The following ARHGAP24 variants were observed in gnomAD, a reference collection of about 807,000 sequenced individuals.
ARHGAP24 encodes the protein Rho GTPase activating protein 24.
A neutral mutation model predicts 76.4 loss-of-function variants in ARHGAP24; 50 were observed. That is an observed-to-expected ratio of 0.65 (90% CI 0.52 to 0.83). The LOEUF (loss-of-function observed/expected upper bound fraction) is 0.83. Among genes scored for constraint, ARHGAP24 ranks in the 40% least tolerant of loss-of-function variants. The pLI is 0.00. For missense variants in ARHGAP24, 930 were observed against 914.2 expected (o/e 1.02, Z -0.22); for synonymous variants, 345 against 323.3 (o/e 1.07, Z -0.72).
At chr4:85,514,034 A>G (rs1724389553) in intron 1 of ARHGAP24, among the ~76,000 whole-genome samples, 1 of 152,142 alleles carries the variant, frequency 6.6e-6, no homozygotes, top group Non-Finnish European at 1.5e-5. Context: ...CTCCTCATCA[A>G]TCCTTTTGAA....
intron 4 of ARHGAP24, among the ~76,000 whole-genome samples, chr4:85,935,640 T>C (rs1186355006): frequency 6.6e-6 from 1 of 152,218 alleles, no homozygotes; most frequent in Non-Finnish European, 1.5e-5. Flanking sequence ...ATGTGTGACC[T>C]CAGACAGGTC....
chr4:85,552,506 G>A (rs1287302979), intron 1 of ARHGAP24, among the ~76,000 whole-genome samples: 2 of 152,150 alleles, frequency 1.3e-5, no homozygotes, highest in African/African-American at 4.8e-5. Flanking sequence ...TTGTTTTTGA[G>A]TGGAGAGTTC....
intron 1 of ARHGAP24, among the ~76,000 whole-genome samples, chr4:85,557,692 G>A (rs1003750631): frequency 3.9e-5 from 6 of 152,150 alleles, no homozygotes; most frequent in African/African-American, 1.2e-4. Context: ...TGAAAGCAGT[G>A]CACACTGGCT....
Position 85,487,385 on chromosome 4 carries a change from AT to A in ARHGAP24, c.-21+11828del, listed in dbSNP as rs1235468004. The stretch of plus-strand genomic sequence containing the variant: ...AATATATAAATATATATTTATATAT[AT>A]TATATAAACATGTAAATATATATTT... On this transcript the variant is annotated intron_variant, in intron 1 of 9. Coordinates refer to ENST00000395184, the MANE Select transcript of ARHGAP24 (RefSeq NM_001025616.3). Among the ~76,000 whole-genome samples the A allele has an allele frequency of 1.1e-4, 13 of 114,792 alleles. No individual in the cohort carries two copies. In the East Asian group the frequency reaches 3.0e-3, roughly 27 times the overall value. The allele number at this position is 114,792 out of a possible 152,430, so 75.3% of individuals were successfully genotyped here.
At chr4:85,531,199 A>G (rs1475087903) in intron 1 of ARHGAP24, among the ~76,000 whole-genome samples, 1 of 152,056 alleles carries the variant, frequency 6.6e-6, no homozygotes, top group African/African-American at 2.4e-5. Flanking sequence ...AATAAAAATG[A>G]AGATTCAACA....
chr4:85,799,539 C>T (rs532119748), intron 3 of ARHGAP24, among the ~76,000 whole-genome samples: 17 of 151,962 alleles, frequency 1.1e-4, no homozygotes, highest in African/African-American at 3.9e-4. Flanking sequence ...ATAGAAAATT[C>T]CAAATCACAA....
chr4:85,796,542 CGTATCAATCTG>C (rs1728349030), intron 3 of ARHGAP24, among the ~76,000 whole-genome samples: 1 of 151,984 alleles, frequency 6.6e-6, no homozygotes, highest in South Asian at 2.1e-4. Flanking sequence ...TCAGGCATGG[CGTATCAATCTG>C]GGTCCAATCA....
intron 2 of ARHGAP24, among the ~76,000 whole-genome samples, chr4:85,620,382 G>C (rs1720676507): frequency 6.6e-6 from 1 of 151,888 alleles, no homozygotes; most frequent in African/African-American, 2.4e-5. Context: ...AGTCTTGATA[G>C]GTTGTATGTT....
intron 2 of ARHGAP24, among the ~76,000 whole-genome samples, chr4:85,670,315 A>C (rs1722778850): frequency 6.6e-6 from 1 of 152,174 alleles, no homozygotes; most frequent in African/African-American, 2.4e-5. Context: ...TATTTGACTT[A>C]AGTTAGAATT....
intron 2 of ARHGAP24, among the ~76,000 whole-genome samples, chr4:85,683,117 T>TGGGGGGGGGGGGGGGGG (rs201448168): frequency 2.3e-4 from 13 of 56,968 alleles, no homozygotes; most frequent in Non-Finnish European, 2.8e-4. Flanking sequence ...TGTGGGGGGG[T>TGGGGGGGGGGGGGGGGG]GGGGGGGGGG....
intron 2 of ARHGAP24, among the ~76,000 whole-genome samples, chr4:85,715,528 G>C (rs1724700313): frequency 2.0e-5 from 3 of 152,034 alleles, no homozygotes; most frequent in Non-Finnish European, 2.9e-5. Context: ...CGAACCTGAG[G>C]AAGGGGGAGA....
chr4:85,477,740 G>T (rs1056084325), intron 1 of ARHGAP24, among the ~76,000 whole-genome samples: 1 of 152,146 alleles, frequency 6.6e-6, no homozygotes, highest in African/African-American at 2.4e-5. Context: ...TTTTCACTGT[G>T]ACCTACTGGC....
intron 2 of ARHGAP24, among the ~76,000 whole-genome samples, chr4:85,671,991 T>C (rs931612951): frequency 4.6e-5 from 7 of 152,112 alleles, no homozygotes; most frequent in African/African-American, 1.7e-4. Flanking sequence ...AGCTTTTGAG[T>C]GAAATGTTAA....
At chr4:85,935,860 T>C (rs147949522) in intron 4 of ARHGAP24, among the ~76,000 whole-genome samples, 229 of 152,302 alleles carry the variant, frequency 1.5e-3, no homozygotes, top group African/African-American at 5.2e-3. Context: ...ATTATTCTCC[T>C]TCCTTCCCCC....
chr4:85,512,882 A>G (rs1198945601), intron 1 of ARHGAP24, among the ~76,000 whole-genome samples: 1 of 152,180 alleles, frequency 6.6e-6, no homozygotes, highest in Non-Finnish European at 1.5e-5. Context: ...GGCAAATTAA[A>G]CTCAGTACTC....
intron 2 of ARHGAP24, among the ~76,000 whole-genome samples, chr4:85,645,510 T>C (rs1467661891): frequency 1.3e-5 from 2 of 152,114 alleles, no homozygotes; most frequent in East Asian, 3.9e-4. Flanking sequence ...GATATCTTTG[T>C]ACTAGGTTAT....
At chr4:85,953,524 T>A (rs1737734121) in intron 5 of ARHGAP24, among the ~76,000 whole-genome samples, 1 of 152,152 alleles carries the variant, frequency 6.6e-6, no homozygotes, top group African/African-American at 2.4e-5. Flanking sequence ...TCAGTATGTG[T>A]AAGAATGACT....
intron 1 of ARHGAP24, among the ~76,000 whole-genome samples, chr4:85,505,499 C>T (rs1480775576): frequency 6.6e-6 from 1 of 152,198 alleles, no homozygotes; most frequent in East Asian, 1.9e-4. Flanking sequence ...ACCCTTTCTT[C>T]CACTTCATCA....
At chr4:85,926,649 C>CA in intron 4 of ARHGAP24, among the ~76,000 whole-genome samples, 1 of 152,110 alleles carries the variant, frequency 6.6e-6, no homozygotes, top group South Asian at 2.1e-4. Context: ...TTATATGACC[C>CA]AAAAACCCTT....
Sources: gnomAD v4.1 joint callset for allele counts (sites outside exome capture counted in the v4.1 genomes callset) on GRCh38, gnomAD v4.1.1 for gene constraint, MANE v1.5 for transcripts, NCBI Gene and HGNC (gene_info 2026-07-23, HGNC 2026-07-21) for gene names.